The following DSCC1 variants were observed in gnomAD, a reference collection of about 807,000 sequenced individuals.
The protein encoded by DSCC1 is DNA replication and sister chromatid cohesion 1, also known as sister chromatid cohesion protein DCC1.
A neutral mutation model predicts 48.2 loss-of-function variants in DSCC1; 32 were observed. That is an observed-to-expected ratio of 0.66 (90% confidence interval 0.50 to 0.89). The LOEUF (loss-of-function observed/expected upper bound fraction) is 0.89. Ranked by LOEUF, DSCC1 falls within the 40% of genes least tolerant of loss-of-function variation. The probability of loss-of-function intolerance (pLI) is 0.00; values close to 1 mark genes in which losing one functional copy is unlikely to be tolerated. For synonymous variants in DSCC1, 150 were observed against 171.5 expected (o/e 0.87, Z 0.98); for missense variants, 421 against 471.7 (o/e 0.89, Z 1.00).
intron 1 of DSCC1, among the ~76,000 whole-genome samples, chr8:119,855,076 TA>T (rs143718533): frequency 0.026 from 3,966 of 152,292 alleles, 102 homozygotes; most frequent in African/African-American, 0.065. Flanking sequence ...CTTCGACTTC[TA>T]ATCAATGATC....
Position 119,855,825 on chromosome 8 carries a change from G to A in DSCC1, c.-30C>T, listed in dbSNP as rs776279804. 14 of 1,428,814 alleles carry A rather than the reference G, an allele frequency of 9.8e-6. No individual in the cohort carries two copies. The highest frequency in any genetic ancestry group is 1.2e-5 in the Non-Finnish European group (13 of 1,091,150). The allele number at this position is 1,428,814 out of a possible 1,614,324, so 88.5% of individuals were successfully genotyped here. A position where few individuals can be genotyped will look rare whatever the true frequency, so the allele number is the denominator to read the frequency against. ...GCGCCGGGTCTAGGAGTCCCGCCGC[G>A]CCCGGGTGGCTGCGGGCTTGGCGGG... On this transcript the variant is annotated 5_prime_UTR_variant, in exon 1 of 9. Coordinates refer to ENST00000313655, the MANE Select transcript of DSCC1 (RefSeq NM_024094.3).
Position 119,854,106 on chromosome 8 carries a change from C to CAGG in DSCC1, c.183-894_183-892dup, listed in dbSNP as rs1292985339. 2.6e-5 allele frequency among the ~76,000 whole-genome samples: 4 copies of CAGG among 152,226 alleles called. No homozygotes were observed. In the South Asian group the frequency reaches 8.3e-4, roughly 32 times the overall value. ...ATGCACACCTTAAGTCTCAGCTACT[C>CAGG]AGGAGGCTGGTGGGAGGATCGCCTG... On this transcript the variant is annotated intron_variant, in intron 1 of 8. Coordinates refer to ENST00000313655, the MANE Select transcript of DSCC1 (RefSeq NM_024094.3).
intron 3 of DSCC1, among the ~76,000 whole-genome samples, chr8:119,847,710 G>A (rs1040926499): frequency 7.4e-5 from 11 of 148,570 alleles, no homozygotes; most frequent in African/African-American, 2.5e-4. Flanking sequence ...TTGTTGCCCA[G>A]GCTAGAGTGC....
intron 8 of DSCC1, among the ~76,000 whole-genome samples, chr8:119,837,073 AGAGT>A (rs570574544): frequency 2.8e-3 from 429 of 152,354 alleles, no homozygotes; most frequent in African/African-American, 8.7e-3. Context: ...TGAAAAGCAT[AGAGT>A]GAGTATAGGA....
At chr8:119,846,590 G>A (rs968884186) in intron 4 of DSCC1, among the ~76,000 whole-genome samples, 1 of 152,068 alleles carries the variant, frequency 6.6e-6, no homozygotes, top group East Asian at 1.9e-4. Context: ...CAAGAGTTTC[G>A]CTCTGATGCC....
At chr8:119,837,314 G>T (rs577827526) in intron 8 of DSCC1, among the ~76,000 whole-genome samples, 1 of 152,288 alleles carries the variant, frequency 6.6e-6, no homozygotes, top group South Asian at 2.1e-4. Flanking sequence ...TTGGCCTTAG[G>T]AGCAGGGACA....
At chr8:119,845,095 AT>A (rs1326901629) in intron 4 of DSCC1, among the ~76,000 whole-genome samples, 2 of 112,346 alleles carry the variant, frequency 1.8e-5, no homozygotes, top group African/African-American at 6.7e-5. Context: ...TTATTTATTT[AT>A]TTATTTGTGA....
intron 2 of DSCC1, among the ~76,000 whole-genome samples, chr8:119,852,554 C>T (rs1049250364): frequency 7.2e-5 from 11 of 152,196 alleles, no homozygotes; most frequent in Middle Eastern, 3.4e-3. Flanking sequence ...AGGGTTTTAC[C>T]GTGTTGCCCA....
chr8:119,850,850 G>T (rs1331760793), intron 2 of DSCC1, among the ~76,000 whole-genome samples: 2 of 152,066 alleles, frequency 1.3e-5, no homozygotes, highest in African/African-American at 2.4e-5. Context: ...AACTAAAAAT[G>T]AATATACTTA....
Position 119,834,817 on chromosome 8 carries a change from A to G in DSCC1, c.*76T>C. 1.0e-6 allele frequency: 1 copy of G among 1,002,728 alleles called. No individual in the cohort carries two copies. The highest frequency in any genetic ancestry group is 1.5e-6 in the Non-Finnish European group (1 of 650,414). 62.1% of individuals were successfully genotyped at this position (1,002,728 alleles called of 1,614,324 possible). The stretch of plus-strand genomic sequence containing the variant: ...ACTAGGTTTCTAAAAGTCAGAAATA[A>G]AAGTACAAGTTATTTTTCTTCTATC... On this transcript the variant is annotated 3_prime_UTR_variant, in exon 9 of 9. Transcript: ENST00000313655.
intron 6 of DSCC1, among the ~76,000 whole-genome samples, 177 bp from the exon 7 acceptor site, chr8:119,842,125 G>A (rs1045611500): frequency 1.1e-4 from 16 of 151,940 alleles, no homozygotes; most frequent in African/African-American, 2.4e-4. Flanking sequence ...CCAGGCTGGC[G>A]TGCATTGGCG....
chr8:119,846,112 A>T (rs1213232603), intron 4 of DSCC1, among the ~76,000 whole-genome samples: 3 of 114,998 alleles, frequency 2.6e-5, no homozygotes, highest in Non-Finnish European at 3.4e-5. Flanking sequence ...ATGTCTAAGG[A>T]CTTTTTTTTT....
chr8:119,841,929 C>T lies in DSCC1; in HGVS notation c.789G>A (p.Leu263=). ...YVDEGEVYFE[L]DADKICRAAA... is the part of the protein sequence containing the mutation. ...CTGCTCTACATATTTTATCAGCATCCAACTCAAAATAAACTTCGCCTAAGG... is the reference window on the plus strand; with the variant it reads ...CTGCTCTACATATTTTATCAGCATCTAACTCAAAATAAACTTCGCCTAAGG... The change falls in exon 7 of 9, where the codon TTG becomes TTA. Residue 263 remains leucine (L), a synonymous_variant. Coordinates refer to ENST00000313655, the MANE Select transcript of DSCC1 (RefSeq NM_024094.3). 1 of 1,613,850 alleles carries T rather than the reference C, an allele frequency of 6.2e-7. No individual in the cohort carries two copies. The highest frequency in any genetic ancestry group is 1.1e-5 in the South Asian group (1 of 91,054).
chr8:119,838,449 G>A lies in DSCC1; in HGVS notation c.925-42C>T, dbSNP rs769072206. ...GAAACAGAGCAGTTAAAGTAATGTT[G>A]TAATGTTTAAACATGACTCATTCTT... On this transcript the variant is annotated intron_variant, in intron 7 of 8. Transcript: ENST00000313655. The A allele has an allele frequency of 6.6e-6, 10 of 1,512,890 alleles. No homozygotes were observed. The South Asian group carries it at 1.3e-4, about 19-fold the overall frequency. 93.7% of individuals were successfully genotyped at this position (1,512,890 alleles called of 1,614,324 possible). A position where few individuals can be genotyped will look rare whatever the true frequency, so the allele number is the denominator to read the frequency against.
At chr8:119,837,053 G>GA (rs1826695799) in intron 8 of DSCC1, among the ~76,000 whole-genome samples, 1 of 152,210 alleles carries the variant, frequency 6.6e-6, no homozygotes, top group African/African-American at 2.4e-5. Context: ...GTAAAGGAAA[G>GA]AATGGGAGGT....
intron 3 of DSCC1, among the ~76,000 whole-genome samples, chr8:119,847,748 C>G (rs887783002): frequency 6.6e-6 from 1 of 151,438 alleles, no homozygotes; most frequent in African/African-American, 2.4e-5. Context: ...TCACCACAAC[C>G]TCTGCCTCCC....
At chr8:119,853,348 G>A (rs1826969370) in intron 1 of DSCC1, 133 bp from the exon 2 acceptor site, 4 of 958,136 alleles carry the variant, frequency 4.2e-6, no homozygotes, top group African/African-American at 1.6e-5. Flanking sequence ...CCCCCTGCTA[G>A]CACAATGCTG....
chr8:119,844,435 C>CACAA (rs1826821219), intron 4 of DSCC1, among the ~76,000 whole-genome samples: 1 of 103,926 alleles, frequency 9.6e-6, no homozygotes, highest in Admixed American at 1.1e-4. Flanking sequence ...AGACTGTCTC[C>CACAA]AAAAAAAAAA....
At chr8:119,836,876 AAG>A (rs1471424937) in intron 8 of DSCC1, among the ~76,000 whole-genome samples, 1 of 152,128 alleles carries the variant, frequency 6.6e-6, no homozygotes, top group Admixed American at 6.5e-5. Flanking sequence ...ACATCAACAA[AAG>A]AGATGGTTTT....
Sources: gnomAD v4.1 joint callset for allele counts (sites outside exome capture counted in the v4.1 genomes callset) on GRCh38, gnomAD v4.1.1 for gene constraint, MANE v1.5 for transcripts, NCBI Gene and HGNC (gene_info 2026-07-23, HGNC 2026-07-21) for gene names.